The following ASB2 variants were observed in gnomAD, a reference collection of about 807,000 sequenced individuals.
ASB2 encodes the protein ankyrin repeat and SOCS box protein 2.
A neutral mutation model predicts 62.4 loss-of-function variants in ASB2; 58 were observed. The observed-to-expected ratio is 0.93, with a 90% CI of 0.75 to 1.16. The LOEUF is 1.16. Ranked by LOEUF, ASB2 falls within the 50% of genes most tolerant of loss-of-function variation. ASB2 has a pLI of 0.00. For synonymous variants in ASB2, 386 were observed against 385.3 expected, an observed-to-expected ratio of 1.00 and a Z score of -0.02; for missense variants, 928 against 887.9, an observed-to-expected ratio of 1.05 and a Z score of -0.57.
At position 93,939,527 on chromosome 14, in the gene ASB2, C is replaced by T. The variant is rs774483837; in HGVS notation, c.1198G>A (p.Ala400Thr). 6.9e-6 allele frequency: 11 copies of T among 1,604,042 alleles called. No homozygotes were observed. The highest frequency in any genetic ancestry group is 9.4e-6 in the Non-Finnish European group (11 of 1,175,990). Residue 400 changes from alanine (A) to threonine (T), a missense_variant, in exon 8 of 10, where the codon GCC becomes ACC. By Grantham distance (58) the Ala-to-Thr change is moderately conservative. Transcript: ENST00000555019. ...SARFDVNTPL[A>T]PERARLYEDR... ...TCGTAGAGGCGCGCGCGCTCGGGGG[C>T]CAGCGGCGTGTTCACGTCGAAGCGC...
intron 2 of ASB2, among the ~76,000 whole-genome samples, chr14:93,962,357 G>A (rs752606380): frequency 6.6e-6 from 1 of 152,086 alleles, no homozygotes; most frequent in South Asian, 2.1e-4. Context: ...CTCGTGATCC[G>A]CCTAAACATT....
rs941423674 is a variant in ASB2, at chr14:93,953,472, C to T, written c.514G>A (p.Glu172Lys). 1 of 1,604,072 alleles carries T rather than the reference C, an allele frequency of 6.2e-7. No individual in the cohort carries two copies. The highest frequency in any genetic ancestry group is 8.5e-7 in the Non-Finnish European group (1 of 1,172,004). ...GTTGCCAAGTAAACGGCTGTTTCCTCCTGCAGGGTGCGCTGGTCGATGGTC... is the reference window on the plus strand; with the variant it reads ...GTTGCCAAGTAAACGGCTGTTTCCTTCTGCAGGGTGCGCTGGTCGATGGTC... Reference protein sequence around the residue: ...PGTIDQRTLQEETAVYLATCR... With the variant: ...PGTIDQRTLQKETAVYLATCR... The change falls in exon 5 of 10, where the codon GAG becomes AAG. Residue 172 changes from glutamate (E) to lysine (K), a missense_variant. Coordinates refer to ENST00000555019, the MANE Select transcript of ASB2 (RefSeq NM_001202429.2).
At chr14:93,971,098 C>A (rs1489455148) in intron 1 of ASB2, among the ~76,000 whole-genome samples, 1 of 152,218 alleles carries the variant, frequency 6.6e-6, no homozygotes, top group Non-Finnish European at 1.5e-5. Context: ...GATTTGAATT[C>A]CCACAAGCTC....
intron 7 of ASB2, chr14:93,941,460 G>A: frequency 2.8e-6 from 1 of 354,668 alleles, no homozygotes; most frequent in South Asian, 2.1e-5. Flanking sequence ...AAAGTATTAT[G>A]ATTGTTAGTG....
rs770625511 is a variant in ASB2, at chr14:93,947,537, G to C, written c.881-17C>G. ...TGTCAGCACCTGGGGAAGGAGAAGA[G>C]ATCAGCAAGTGGCCAAGTGACCGGG... On this transcript the variant is annotated splice_polypyrimidine_tract_variant and intron_variant, in intron 6 of 9. Transcript: ENST00000555019. 2 of 1,611,812 alleles carry C rather than the reference G, an allele frequency of 1.2e-6. No homozygotes were observed. Among genetic ancestry groups the C allele is most frequent in the Non-Finnish European group, 1.7e-6 (2 of 1,179,168 alleles).
intron 7 of ASB2, among the ~76,000 whole-genome samples, chr14:93,940,751 G>T (rs1888488033): frequency 6.6e-6 from 1 of 152,214 alleles, no homozygotes; most frequent in Non-Finnish European, 1.5e-5. Context: ...ACTGATCTCA[G>T]CACTTTACCT....
At chr14:93,947,178 T>G (rs1299002756) in intron 7 of ASB2, among the ~76,000 whole-genome samples, 171 bp downstream of exon 7, 3 of 152,270 alleles carry the variant, frequency 2.0e-5, no homozygotes, top group Non-Finnish European at 4.4e-5. Context: ...TGTTGCTAAC[T>G]GCTAAGGGGT....
chr14:93,939,119 T>C lies in ASB2; in HGVS notation c.1606A>G (p.Ser536Gly). 6.6e-7 allele frequency: 1 copy of C among 1,517,722 alleles called. No homozygotes were observed. Among genetic ancestry groups the C allele is most frequent in the Non-Finnish European group, 8.9e-7 (1 of 1,128,790 alleles). 94.0% of individuals were successfully genotyped at this position (1,517,722 alleles called of 1,614,324 possible). A position where few individuals can be genotyped will look rare whatever the true frequency, so the allele number is the denominator to read the frequency against. ...CGTGCGCTGCCCACCTGCACCACGC[T>C]GGGCTCCTTGTCGGCCGCGGGCGCG... ...NDAPAADKEP[S>G]VVQFCEFVSA... Residue 536 changes from serine to glycine, a missense_variant, in exon 8 of 10, where the codon AGC becomes GGC. Physicochemically the swap from Ser to Gly is moderately conservative, Grantham distance 56. Coordinates refer to ENST00000555019, the MANE Select transcript of ASB2 (RefSeq NM_001202429.2).
At chr14:93,951,401 G>A (rs900400917) in intron 5 of ASB2, among the ~76,000 whole-genome samples, 157 bp from the exon 6 acceptor site, 11 of 152,200 alleles carry the variant, frequency 7.2e-5, no homozygotes, top group Non-Finnish European at 1.5e-4. Flanking sequence ...TGGGATAGGC[G>A]ACTAAAAGTA....
intron 1 of ASB2, among the ~76,000 whole-genome samples, chr14:93,966,481 G>T (rs930034016): frequency 2.6e-5 from 4 of 152,252 alleles, no homozygotes; most frequent in Non-Finnish European, 5.9e-5. Context: ...CTTAGTGCTT[G>T]GAGGACTTGA....
At chr14:93,940,682 C>T (rs115143138) in intron 7 of ASB2, among the ~76,000 whole-genome samples, 79 of 152,302 alleles carry the variant, frequency 5.2e-4, no homozygotes, top group African/African-American at 1.7e-3. Context: ...CTTGGTCAGC[C>T]ACTGCGGAAG....
chr14:93,963,833 A>G (rs1440471573), intron 2 of ASB2, among the ~76,000 whole-genome samples: 1 of 152,192 alleles, frequency 6.6e-6, no homozygotes, highest in African/African-American at 2.4e-5. Context: ...GGGTGGTGTC[A>G]TATCTGGATG....
At chr14:93,965,890 T>C (rs1889574872) in intron 1 of ASB2, among the ~76,000 whole-genome samples, 1 of 152,212 alleles carries the variant, frequency 6.6e-6, no homozygotes, top group Non-Finnish European at 1.5e-5. Flanking sequence ...GAGAAGAGCT[T>C]CCCACTGGAG....
chr14:93,964,672 C>T, intron 1 of ASB2, 60 bp from the exon 2 acceptor site: 1 of 773,534 alleles, frequency 1.3e-6, no homozygotes, highest in Non-Finnish European at 2.2e-6. Context: ...CTATATTTAC[C>T]CTCAGGGAAG....
At chr14:93,961,456 G>A (rs372437180) in intron 2 of ASB2, among the ~76,000 whole-genome samples, 16 of 152,322 alleles carry the variant, frequency 1.1e-4, no homozygotes, top group African/African-American at 3.4e-4. Flanking sequence ...CACTGGAGGC[G>A]TAGGTTAATG....
At chr14:93,959,263 CAG>C (rs1889327543) in intron 2 of ASB2, among the ~76,000 whole-genome samples, 1 of 152,174 alleles carries the variant, frequency 6.6e-6, no homozygotes, top group East Asian at 1.9e-4. Context: ...TGGAAGTCAG[CAG>C]AGAGGGAGAC....
At chr14:93,955,183 A>G (rs781741345) in intron 3 of ASB2, 110 of 456,346 alleles carry the variant, frequency 2.4e-4, no homozygotes, top group Non-Finnish European at 4.1e-4. Flanking sequence ...TTCTGCATCA[A>G]TAGTCCCATT....
intron 5 of ASB2, among the ~76,000 whole-genome samples, chr14:93,952,007 A>G (rs1327877119): frequency 6.6e-6 from 1 of 152,090 alleles, no homozygotes; most frequent in Non-Finnish European, 1.5e-5. Context: ...GCACTTTTCC[A>G]AATTAACCAG....
At chr14:93,960,194 A>G (rs1217037984) in intron 2 of ASB2, among the ~76,000 whole-genome samples, 2 of 152,192 alleles carry the variant, frequency 1.3e-5, no homozygotes, top group African/African-American at 4.8e-5. Flanking sequence ...AGTCTGCTTG[A>G]TGAACTCCTA....
Sources: allele counts gnomAD v4.1 joint callset (sites outside exome capture counted in the v4.1 genomes callset), GRCh38; gene constraint gnomAD v4.1.1; transcripts MANE v1.5; gene names NCBI Gene and HGNC (gene_info 2026-07-23, HGNC 2026-07-21).